Variants in STK24 observed in about 807,000 individuals in gnomAD.
STK24 encodes serine/threonine-protein kinase 24.
A neutral mutation model predicts 55.6 loss-of-function variants in STK24; 21 were observed. The observed-to-expected ratio is 0.38, with a 90% CI of 0.27 to 0.54. The LOEUF (loss-of-function observed/expected upper bound fraction) is 0.54. STK24 is among the 20% of genes least tolerant of loss of function. STK24 has a pLI of 0.79. For missense variants in STK24, 383 were observed against 538.4 expected (o/e 0.71, Z 2.86); for synonymous variants, 200 against 215.2 (o/e 0.93, Z 0.62).
Position 98,519,838 on chromosome 13 carries a change from C to G in STK24, c.43-365G>C, listed in dbSNP as rs573903426. ...TATCGAAAAATCACTTTTGTCTAAG[C>G]AAAAATTCACTTTTCTCCATACCCA... On this transcript the variant is annotated intron_variant, in intron 1 of 10. Coordinates refer to ENST00000539966, the MANE Select transcript of STK24 (RefSeq NM_001032296.4). 1.2e-4 allele frequency among the ~76,000 whole-genome samples: 18 copies of G among 152,220 alleles called. No homozygotes were observed. In the South Asian group the frequency reaches 3.7e-3, roughly 32 times the overall value.
intron 2 of STK24, among the ~76,000 whole-genome samples, chr13:98,517,912 G>A (rs149571573): frequency 4.7e-4 from 72 of 152,318 alleles, no homozygotes; most frequent in African/African-American, 1.6e-3. Context: ...TACGCATTAA[G>A]TACCTACTAC....
At chr13:98,473,613 C>A (rs1894244969) in intron 5 of STK24, among the ~76,000 whole-genome samples, 1 of 152,136 alleles carries the variant, frequency 6.6e-6, no homozygotes, top group Non-Finnish European at 1.5e-5. Flanking sequence ...CACTCCCAGG[C>A]AAGGGCACAC....
chr13:98,535,149 G>C (rs1310444859), intron 1 of STK24, among the ~76,000 whole-genome samples: 1 of 152,116 alleles, frequency 6.6e-6, no homozygotes, highest in Non-Finnish European at 1.5e-5. Flanking sequence ...AGGAGTTCAA[G>C]ACCAGCCTGA....
chr13:98,542,656 G>A (rs1419090333), intron 1 of STK24, among the ~76,000 whole-genome samples: 2 of 152,148 alleles, frequency 1.3e-5, no homozygotes. Context: ...ATACAGCTGA[G>A]CCTAATAAAT....
At chr13:98,493,560 T>C (rs1367058643) in intron 2 of STK24, among the ~76,000 whole-genome samples, 1 of 152,166 alleles carries the variant, frequency 6.6e-6, no homozygotes, top group Non-Finnish European at 1.5e-5. Flanking sequence ...AACTGCCAAG[T>C]CAGATAAGTT....
chr13:98,550,723 T>TAA (rs200958036), intron 1 of STK24, among the ~76,000 whole-genome samples: 1 of 151,984 alleles, frequency 6.6e-6, no homozygotes, highest in African/African-American at 2.4e-5. Context: ...GGCTCAAAGG[T>TAA]AAAAAAATAC....
At chr13:98,469,277 G>A (rs566172398) in intron 5 of STK24, among the ~76,000 whole-genome samples, 105 of 152,280 alleles carry the variant, frequency 6.9e-4, no homozygotes, top group Admixed American at 1.6e-3. Flanking sequence ...GGCCAGGCGC[G>A]GTGGCTCACG....
Position 98,448,440 on chromosome 13 carries a change from C to T in STK24, c.*4733G>A. Reference sequence around the variant, plus strand: ...AATCAAAAACATGGCTTCCCAGCAGCTCTCCTGTCTCCACAGCCGCGTTTT... The same window carrying T: ...AATCAAAAACATGGCTTCCCAGCAGTTCTCCTGTCTCCACAGCCGCGTTTT... On this transcript the variant is annotated 3_prime_UTR_variant, in exon 11 of 11. Transcript: ENST00000539966. 1.3e-6 allele frequency: 1 copy of T among 793,456 alleles called. No individual in the cohort carries two copies. The highest frequency in any genetic ancestry group is 1.7e-5 in the African/African-American group (1 of 58,742). 49.2% of individuals were successfully genotyped at this position (793,456 alleles called of 1,614,324 possible).
chr13:98,537,940 C>T (rs1219612085), intron 1 of STK24, among the ~76,000 whole-genome samples: 5 of 152,134 alleles, frequency 3.3e-5, no homozygotes, highest in Non-Finnish European at 7.4e-5. Context: ...CGCTGCATGG[C>T]CCAACCACTT....
At chr13:98,510,303 G>T (rs1895839269) in intron 2 of STK24, among the ~76,000 whole-genome samples, 1 of 152,192 alleles carries the variant, frequency 6.6e-6, no homozygotes, top group Non-Finnish European at 1.5e-5. Flanking sequence ...AAGGCACACG[G>T]TCATCACCCA....
chr13:98,558,892 C>T (rs1198150903), intron 1 of STK24, among the ~76,000 whole-genome samples: 5 of 150,432 alleles, frequency 3.3e-5, no homozygotes, highest in Non-Finnish European at 5.9e-5. Context: ...AGGCTGGGCA[C>T]GGTGGCTCAC....
chr13:98,545,511 G>A (rs1025839388), intron 1 of STK24, among the ~76,000 whole-genome samples: 1 of 152,084 alleles, frequency 6.6e-6, no homozygotes, highest in African/African-American at 2.4e-5. Context: ...GCGGGCGCCT[G>A]TAGTTCCAGC....
At chr13:98,461,947 G>A in intron 7 of STK24, 50 bp from the exon 8 acceptor site, 1 of 1,603,730 alleles carries the variant, frequency 6.2e-7, no homozygotes, top group Non-Finnish European at 8.5e-7. Flanking sequence ...CACCTGCTCT[G>A]GGGGCGCTGG....
intron 10 of STK24, chr13:98,456,305 A>T: frequency 2.8e-6 from 1 of 359,518 alleles, no homozygotes; most frequent in South Asian, 2.1e-5. Context: ...GGTGGGACGC[A>T]GTCTCAGGAA....
intron 10 of STK24, chr13:98,456,849 C>A (rs527630714): frequency 6.7e-6 from 3 of 450,184 alleles, no homozygotes; most frequent in Non-Finnish European, 1.2e-5. Context: ...TGGCTAAGAA[C>A]GATCATTCTC....
At chr13:98,458,244 G>A (rs1244417754) in intron 9 of STK24, among the ~76,000 whole-genome samples, 1 of 152,166 alleles carries the variant, frequency 6.6e-6, no homozygotes, top group African/African-American at 2.4e-5. Flanking sequence ...GCCCAAAAAC[G>A]TGAACTGTGA....
At chr13:98,532,774 A>C (rs1896615587) in intron 1 of STK24, among the ~76,000 whole-genome samples, 1 of 152,246 alleles carries the variant, frequency 6.6e-6, no homozygotes, top group Non-Finnish European at 1.5e-5. Flanking sequence ...GCTTTTCTAC[A>C]CATTACAATA....
intron 1 of STK24, among the ~76,000 whole-genome samples, chr13:98,568,061 G>A (rs781053800): frequency 1.7e-4 from 25 of 151,404 alleles, no homozygotes; most frequent in African/African-American, 2.2e-4. Context: ...GTGCAATGGC[G>A]CGATCTCGGC....
At chr13:98,460,347 C>G (rs1285791761) in intron 9 of STK24, 25 bp downstream of exon 9, 1 of 1,609,102 alleles carries the variant, frequency 6.2e-7, no homozygotes, top group South Asian at 1.1e-5. Context: ...CCCTCCCACT[C>G]CGAAAAGGCC....
Sources: allele counts gnomAD v4.1 joint callset (sites outside exome capture counted in the v4.1 genomes callset), GRCh38; gene constraint gnomAD v4.1.1; transcripts MANE v1.5; gene names NCBI Gene and HGNC (gene_info 2026-07-23, HGNC 2026-07-21).